Variants in TASP1 observed in about 807,000 individuals in gnomAD.
TASP1 encodes the protein taspase 1.
Under a neutral mutation model 56.6 loss-of-function variants are expected in TASP1, and 16 were observed. That is an observed-to-expected ratio of 0.28 (90% confidence interval 0.19 to 0.43). TASP1 has a LOEUF of 0.43. Ranked by LOEUF, TASP1 falls within the 20% of genes least tolerant of loss-of-function variation. The pLI is 1.00. For synonymous variants in TASP1, 179 were observed against 184.2 expected, an observed-to-expected ratio of 0.97 and a Z score of 0.23; for missense variants, 393 against 511.6, an observed-to-expected ratio of 0.77 and a Z score of 2.24.
chr20:13,417,402 C>T (rs368930222), intron 13 of TASP1, 46 bp downstream of exon 13: 12 of 1,603,506 alleles, frequency 7.5e-6, no homozygotes, highest in Admixed American at 5.1e-5. Flanking sequence ...GAGGTTTATG[C>T]GATGGCTACA....
the TASP1 span, among the ~76,000 whole-genome samples, chr20:13,223,166 ATAAAATAAAAT>A: frequency 6.9e-6 from 1 of 144,216 alleles, no homozygotes; most frequent in African/African-American, 2.6e-5. Flanking sequence ...CAAAAAAAAA[ATAAAATAAAAT>A]AAAATAAAAT....
intron 11 of TASP1, among the ~76,000 whole-genome samples, chr20:13,476,870 A>G (rs2042966753): frequency 6.6e-6 from 1 of 152,136 alleles, no homozygotes; most frequent in Admixed American, 6.5e-5. Flanking sequence ...GATTTTTCTA[A>G]TAGACAAAAA....
At chr20:13,421,288 TG>T (rs2042425924) in intron 12 of TASP1, among the ~76,000 whole-genome samples, 1 of 152,034 alleles carries the variant, frequency 6.6e-6, no homozygotes, top group Non-Finnish European at 1.5e-5. Flanking sequence ...TCAGCCAGGC[TG>T]GTTTCGAACT....
the TASP1 span, among the ~76,000 whole-genome samples, chr20:13,283,502 A>G: frequency 6.6e-6 from 1 of 152,206 alleles, no homozygotes; most frequent in Non-Finnish European, 1.5e-5. Flanking sequence ...AAATACATGT[A>G]GGATACAATG....
At chr20:13,353,015 T>C in the TASP1 span, among the ~76,000 whole-genome samples, 4 of 152,092 alleles carry the variant, frequency 2.6e-5, no homozygotes, top group African/African-American at 9.7e-5. Context: ...GATGGGAGGA[T>C]TGCTTGAGAC....
chr20:13,599,319 C>T (rs112706972), intron 4 of TASP1, among the ~76,000 whole-genome samples: 66 of 152,228 alleles, frequency 4.3e-4, no homozygotes, highest in African/African-American at 1.5e-3. Context: ...AAATGTGGCA[C>T]ATATACACCA....
the TASP1 span, among the ~76,000 whole-genome samples, chr20:13,311,243 T>TAGATAGATGATAGATAGATGATA: frequency 7.8e-6 from 1 of 127,924 alleles, no homozygotes; most frequent in Non-Finnish European, 1.7e-5. Flanking sequence ...GATAGATAGA[T>TAGATAGATGATAGATAGATGATA]GATAGATAGA....
intron 4 of TASP1, among the ~76,000 whole-genome samples, chr20:13,600,016 A>C (rs2047893962): frequency 6.6e-6 from 1 of 152,182 alleles, no homozygotes; most frequent in Admixed American, 6.5e-5. Context: ...TTGGAAATTA[A>C]ATGTTTTTAA....
intron 10 of TASP1, among the ~76,000 whole-genome samples, chr20:13,493,514 G>A (rs1051131245): frequency 1.3e-5 from 2 of 152,054 alleles, no homozygotes; most frequent in Non-Finnish European, 1.5e-5. Context: ...CATACTTCAG[G>A]TTCTTCAGCC....
intron 10 of TASP1, among the ~76,000 whole-genome samples, chr20:13,497,728 T>C (rs2043785945): frequency 6.6e-6 from 1 of 152,130 alleles, no homozygotes; most frequent in African/African-American, 2.4e-5. Context: ...CTATCTGACT[T>C]TAAATTATAC....
At chr20:13,200,192 A>G in the TASP1 span, among the ~76,000 whole-genome samples, 2 of 152,238 alleles carry the variant, frequency 1.3e-5, no homozygotes. Context: ...CATAACCCAT[A>G]GTGATTAATA....
chr20:13,565,574 T>C (rs1382867642), intron 7 of TASP1, among the ~76,000 whole-genome samples: 1 of 152,074 alleles, frequency 6.6e-6, no homozygotes, highest in Non-Finnish European at 1.5e-5. Flanking sequence ...AAATGGCCAA[T>C]AAGCACATAA....
chr20:13,180,367 C>T, the TASP1 span, among the ~76,000 whole-genome samples: 4 of 152,130 alleles, frequency 2.6e-5, no homozygotes, highest in African/African-American at 4.8e-5. Context: ...AACACAGTTG[C>T]GGCACAAAAG....
chr20:13,383,510 G>A, the TASP1 span, among the ~76,000 whole-genome samples: 14,790 of 152,206 alleles, frequency 0.097, 835 homozygotes, highest in African/African-American at 0.15. Flanking sequence ...GCTGAACCAG[G>A]TGATTTAATA....
Position 13,558,440 on chromosome 20 carries a change from C to T in TASP1, c.675+568G>A, listed in dbSNP as rs150229916. The stretch of plus-strand genomic sequence containing the variant: ...GCTGTAAGAACCAAAACAGTAGCCA[C>T]GAGCCAAATGTAGCTATTCAGAAAT... On this transcript the variant is annotated intron_variant, in intron 8 of 13. Coordinates refer to ENST00000337743, the MANE Select transcript of TASP1 (RefSeq NM_017714.3). Among the ~76,000 whole-genome samples, 288 of 152,166 alleles carry T rather than the reference C, an allele frequency of 1.9e-3. 1 individual carries two copies. Among genetic ancestry groups the T allele is most frequent in the African/African-American group, 6.4e-3 (266 of 41,514 alleles).
At chr20:13,138,935 A>T in the TASP1 span, among the ~76,000 whole-genome samples, 3 of 152,220 alleles carry the variant, frequency 2.0e-5, no homozygotes, top group African/African-American at 7.2e-5. Context: ...AGTTTCCTAT[A>T]GGAGACACAA....
intron 10 of TASP1, among the ~76,000 whole-genome samples, chr20:13,509,728 G>A (rs1220758345): frequency 1.3e-5 from 2 of 152,176 alleles, no homozygotes; most frequent in Admixed American, 6.5e-5. Context: ...CTGGGTTCAA[G>A]CGATTCTCCT....
intron 6 of TASP1, among the ~76,000 whole-genome samples, chr20:13,579,174 G>A (rs887193399): frequency 2.0e-5 from 3 of 152,144 alleles, no homozygotes; most frequent in Non-Finnish European, 4.4e-5. Flanking sequence ...ACACAGTCAT[G>A]TTTAAATGCA....
intron 10 of TASP1, among the ~76,000 whole-genome samples, chr20:13,502,100 T>C (rs1447824852): frequency 6.6e-6 from 1 of 152,012 alleles, no homozygotes; most frequent in Non-Finnish European, 1.5e-5. Flanking sequence ...TTAGTAATTT[T>C]ATAAATGAGC....
Sources: gnomAD v4.1 joint callset for allele counts (sites outside exome capture counted in the v4.1 genomes callset) on GRCh38, gnomAD v4.1.1 for gene constraint, MANE v1.5 for transcripts, NCBI Gene and HGNC (gene_info 2026-07-23, HGNC 2026-07-21) for gene names.